The following EDA variants were observed in gnomAD, a reference collection of about 807,000 sequenced individuals.
EDA encodes the protein ectodysplasin-A.
EDA carries 2 observed loss-of-function variants against 23.6 expected under a neutral mutation model. The observed-to-expected ratio is 0.08, with a 90% CI of 0.03 to 0.27. EDA has a LOEUF of 0.27. Ranked by LOEUF, EDA falls within the 10% of genes least tolerant of loss-of-function variation. The pLI is 1.00. For missense variants in EDA, 229 were observed against 324.2 expected, an observed-to-expected ratio of 0.71 and a Z score of 2.26; for synonymous variants, 131 against 132.0, an observed-to-expected ratio of 0.99 and a Z score of 0.05.
intron 1 of EDA, among the ~76,000 whole-genome samples, chrX:69,685,699 C>A (rs1407963174): frequency 9.0e-6 from 1 of 111,310 alleles, no homozygotes; most frequent in Non-Finnish European, 1.9e-5. Context: ...TCCATTTTAC[C>A]CTCTTGATAA....
chrX:69,751,623 G>T (rs1344854758), intron 1 of EDA, among the ~76,000 whole-genome samples: 1 of 111,806 alleles, frequency 8.9e-6, no homozygotes, highest in East Asian at 2.8e-4. Flanking sequence ...GGACAGTATG[G>T]CCATTTTCAC....
At chrX:70,028,081 C>T (rs2020144036) in intron 4 of EDA, 45 bp downstream of exon 4, 1 of 1,183,489 alleles carries the variant, frequency 8.4e-7, no homozygotes, top group Admixed American at 2.3e-5. Context: ...CTTTAAAGTA[C>T]TTTAGGAGAG....
chrX:69,768,369 A>G (rs1374238832), intron 1 of EDA, among the ~76,000 whole-genome samples: 2 of 111,960 alleles, frequency 1.8e-5, no homozygotes, highest in Non-Finnish European at 3.8e-5. Context: ...AATGTTTTAT[A>G]CAATGTGTAG....
chrX:69,687,081 AC>A (rs1357553845), intron 1 of EDA, among the ~76,000 whole-genome samples: 1 of 111,555 alleles, frequency 9.0e-6, no homozygotes, highest in African/African-American at 3.3e-5. Context: ...ATCCTTGTCT[AC>A]ACTTGTTATT....
chrX:69,686,557 C>T (rs1474412156), intron 1 of EDA, among the ~76,000 whole-genome samples: 1 of 111,627 alleles, frequency 9.0e-6, no homozygotes, highest in Non-Finnish European at 1.9e-5. Flanking sequence ...AAAGGAAACC[C>T]TGTACCTATA....
At chrX:69,696,253 C>A (rs1237727309) in intron 1 of EDA, among the ~76,000 whole-genome samples, 8 of 101,809 alleles carry the variant, frequency 7.9e-5, no homozygotes, top group Non-Finnish European at 1.6e-4. Context: ...AAAAAAAAAA[C>A]GTGGATCAAG....
rs748399049 is a variant in EDA at position 69,854,312 on chromosome X, G to A, written c.397-102715G>A. On this transcript the variant is annotated intron_variant, in intron 1 of 7. Transcript: ENST00000374552. ...GGGTTCAAGCGATTCTCCAGTCTCAGCCTCCCGTGTAGCTGCGATTATAGG... is the reference window on the plus strand; with the variant it reads ...GGGTTCAAGCGATTCTCCAGTCTCAACCTCCCGTGTAGCTGCGATTATAGG... Among the ~76,000 whole-genome samples the A allele has an allele frequency of 9.0e-5, 10 of 110,901 alleles. No individual in the cohort carries two copies. In the South Asian group the frequency reaches 3.9e-3, roughly 43 times the overall value.
intron 2 of EDA, among the ~76,000 whole-genome samples, chrX:70,019,303 A>G (rs1300945873): frequency 8.9e-6 from 1 of 112,111 alleles, no homozygotes; most frequent in Non-Finnish European, 1.9e-5. Context: ...CAAAGAACTT[A>G]AAGCAGAATT....
intron 2 of EDA, among the ~76,000 whole-genome samples, chrX:69,961,254 G>A (rs554591963): frequency 1.8e-5 from 2 of 110,761 alleles, no homozygotes; most frequent in Non-Finnish European, 3.8e-5. Context: ...GGATTACAGG[G>A]GTAAGCCACT....
chrX:69,833,636 A>C lies in EDA; in HGVS notation c.397-123391A>C, dbSNP rs891364541. On this transcript the variant is annotated intron_variant, in intron 1 of 7. Transcript: ENST00000374552. ...AGGAATGGTACCAGCTCCTCTTTGT[A>C]CCTCTGGTAGAATTCGGCTGTGATT... Among the ~76,000 whole-genome samples the C allele has an allele frequency of 1.6e-4, 18 of 110,055 alleles. 1 individual carries two copies. The highest frequency in any genetic ancestry group is 2.8e-4 in the Non-Finnish European group (15 of 52,755).
At chrX:69,929,543 A>C (rs2018567114) in intron 1 of EDA, among the ~76,000 whole-genome samples, 1 of 110,025 alleles carries the variant, frequency 9.1e-6, no homozygotes, top group Non-Finnish European at 1.9e-5. Flanking sequence ...AACTACCCTG[A>C]GAAGCTGCTC....
chrX:69,934,179 A>T (rs145860260), intron 1 of EDA, among the ~76,000 whole-genome samples: 1,587 of 111,960 alleles, frequency 0.014, 39 homozygotes, highest in African/African-American at 0.047. Flanking sequence ...TAAATTCCAG[A>T]TAGTAGAGGT....
At chrX:69,666,086 ATTTC>A (rs1483192688) in intron 1 of EDA, among the ~76,000 whole-genome samples, 3 of 111,517 alleles carry the variant, frequency 2.7e-5, no homozygotes, top group African/African-American at 9.8e-5. Flanking sequence ...GGGATTGTTT[ATTTC>A]TTTTTCAGTT....
chrX:70,000,400 C>T (rs1208139407), intron 2 of EDA, among the ~76,000 whole-genome samples: 1 of 112,186 alleles, frequency 8.9e-6, no homozygotes, highest in Non-Finnish European at 1.9e-5. Context: ...GTTTGTAGTA[C>T]AAATATGGTA....
At chrX:69,816,045 C>T (rs1052767260) in intron 1 of EDA, among the ~76,000 whole-genome samples, 1 of 111,379 alleles carries the variant, frequency 9.0e-6, no homozygotes, top group African/African-American at 3.3e-5. Flanking sequence ...TAACTCCAGG[C>T]ATGGGACAAA....
At chrX:70,003,856 C>A in intron 2 of EDA, among the ~76,000 whole-genome samples, 1 of 111,496 alleles carries the variant, frequency 9.0e-6, no homozygotes. Context: ...GACCAAGGAG[C>A]CCCATTTCCA....
chrX:69,712,834 G>A (rs1251612807), intron 1 of EDA, among the ~76,000 whole-genome samples: 1 of 111,062 alleles, frequency 9.0e-6, no homozygotes, highest in Non-Finnish European at 1.9e-5. Context: ...ATGATAGACT[G>A]GATTAAGGAA....
intron 2 of EDA, among the ~76,000 whole-genome samples, chrX:70,009,496 TA>T (rs1418442150): frequency 8.9e-6 from 1 of 112,595 alleles, no homozygotes; most frequent in Non-Finnish European, 1.9e-5. Context: ...AATATATTTT[TA>T]ATTTTCCTTG....
intron 1 of EDA, among the ~76,000 whole-genome samples, chrX:69,859,972 A>G (rs1408493966): frequency 3.1e-5 from 3 of 96,195 alleles, no homozygotes; most frequent in Non-Finnish European, 6.4e-5. Context: ...TTACCATTAT[A>G]TAATGCCCTT....
Sources: allele counts gnomAD v4.1 joint callset (sites outside exome capture counted in the v4.1 genomes callset), GRCh38; gene constraint gnomAD v4.1.1; transcripts MANE v1.5; gene names NCBI Gene and HGNC (gene_info 2026-07-23, HGNC 2026-07-21).